NECAB1: variants seen among roughly 807,000 people sequenced by gnomAD.
NECAB1 encodes N-terminal EF-hand calcium binding protein 1, also known as N-terminal EF-hand calcium-binding protein 1.
Under a neutral mutation model 57.5 loss-of-function variants are expected in NECAB1, and 29 were observed. That is an observed-to-expected ratio of 0.50 (90% CI 0.38 to 0.69). The LOEUF is 0.69. NECAB1 is among the 30% of genes least tolerant of loss of function. NECAB1 has a pLI of 0.00. For synonymous variants in NECAB1, 142 were observed against 147.7 expected (o/e 0.96, Z 0.28); for missense variants, 372 against 413.8 (o/e 0.90, Z 0.88).
chr8:90,884,168 C>A (rs1302007111), intron 5 of NECAB1, among the ~76,000 whole-genome samples: 1 of 152,146 alleles, frequency 6.6e-6, no homozygotes, highest in Admixed American at 6.6e-5. Context: ...CAAACAAACA[C>A]AGCCTACAAT....
chr8:90,819,873 G>A (rs1453561786), intron 2 of NECAB1, among the ~76,000 whole-genome samples: 2 of 151,390 alleles, frequency 1.3e-5, no homozygotes, highest in Non-Finnish European at 3.0e-5. Flanking sequence ...GAGAACATTT[G>A]GGGTATATTT....
intron 3 of NECAB1, among the ~76,000 whole-genome samples, chr8:90,839,739 A>G (rs1318124194): frequency 6.6e-6 from 1 of 152,218 alleles, no homozygotes; most frequent in Non-Finnish European, 1.5e-5. Flanking sequence ...AGAGCACTGA[A>G]TCAGGGTGGA....
At chr8:90,827,280 C>G (rs998759616) in intron 3 of NECAB1, among the ~76,000 whole-genome samples, 3 of 151,998 alleles carry the variant, frequency 2.0e-5, no homozygotes, top group African/African-American at 7.2e-5. Context: ...AGAGTACAGC[C>G]TGGCCTGAAG....
chr8:90,906,883 A>ATATATATGTGTATATATATATATATGTG (rs1554574053), intron 5 of NECAB1, among the ~76,000 whole-genome samples: 2 of 80,770 alleles, frequency 2.5e-5, no homozygotes, highest in African/African-American at 9.5e-5. Flanking sequence ...ACACATATAT[A>ATATATATGTGTATATATATATATATGTG]TATATATATA....
intron 4 of NECAB1, among the ~76,000 whole-genome samples, chr8:90,875,584 C>T (rs992232518): frequency 1.3e-5 from 2 of 150,454 alleles, no homozygotes. Context: ...ATCTGAAAGC[C>T]TTTCTGTAAG....
chr8:90,815,902 G>GA (rs1367132058), intron 2 of NECAB1, among the ~76,000 whole-genome samples: 5 of 151,830 alleles, frequency 3.3e-5, no homozygotes, highest in African/African-American at 1.2e-4. Flanking sequence ...TTTTTAAGTG[G>GA]AAAAAATTTT....
intron 2 of NECAB1, among the ~76,000 whole-genome samples, chr8:90,821,203 C>T (rs77260603): frequency 0.021 from 3,154 of 151,850 alleles, 48 homozygotes; most frequent in Non-Finnish European, 0.031. Context: ...ACAGGTACCC[C>T]CAATCTCAAC....
At chr8:90,953,667 C>T (rs976814011) in intron 12 of NECAB1, among the ~76,000 whole-genome samples, 2 of 152,262 alleles carry the variant, frequency 1.3e-5, no homozygotes, top group Admixed American at 1.3e-4. Context: ...TAAGCAGAAG[C>T]TAGCATATAA....
At chr8:90,944,248 C>T (rs554458032) in intron 10 of NECAB1, among the ~76,000 whole-genome samples, 1 of 152,322 alleles carries the variant, frequency 6.6e-6, no homozygotes, top group South Asian at 2.1e-4. Flanking sequence ...CACAAGTCCA[C>T]TCCTGTTCCA....
In NECAB1 at chr8:90,959,186, C is replaced by T; in HGVS notation, c.*3674C>T. 1 of 405,114 alleles carries T rather than the reference C, an allele frequency of 2.5e-6. No individual in the cohort carries two copies. Among genetic ancestry groups the T allele is most frequent in the Non-Finnish European group, 4.4e-6 (1 of 228,902 alleles). 25.1% of individuals were successfully genotyped at this position (405,114 alleles called of 1,614,324 possible). ...TAAAGTAACTAGAACTGTCAAATAACAAAACGGCTCATGTTTTTAAAATAT... is the reference window on the plus strand; with the variant it reads ...TAAAGTAACTAGAACTGTCAAATAATAAAACGGCTCATGTTTTTAAAATAT... On this transcript the variant is annotated 3_prime_UTR_variant, in exon 13 of 13. Transcript: ENST00000417640.
intron 10 of NECAB1, among the ~76,000 whole-genome samples, chr8:90,941,597 G>GT (rs1810672071): frequency 6.6e-6 from 1 of 152,122 alleles, no homozygotes; most frequent in South Asian, 2.1e-4. Flanking sequence ...TCTCTAATGA[G>GT]TATCTTATCA....
intron 5 of NECAB1, among the ~76,000 whole-genome samples, chr8:90,907,371 C>T (rs541707966): frequency 1.3e-5 from 2 of 152,160 alleles, no homozygotes; most frequent in African/African-American, 4.8e-5. Context: ...AGGCTATAGC[C>T]AGTCTCTTAT....
chr8:90,873,651 T>C (rs759277525), intron 4 of NECAB1, among the ~76,000 whole-genome samples: 7 of 152,248 alleles, frequency 4.6e-5, no homozygotes, highest in Non-Finnish European at 8.8e-5. Context: ...CACTTAACTT[T>C]GCCTGGGTAG....
chr8:90,847,034 A>G (rs112027809), intron 3 of NECAB1, among the ~76,000 whole-genome samples: 2 of 151,760 alleles, frequency 1.3e-5, no homozygotes, highest in African/African-American at 4.9e-5. Context: ...CCAAAGTCTT[A>G]ACTCATTCCA....
Position 90,801,677 on chromosome 8 carries a change from T to C in NECAB1, c.100-14T>C. On this transcript the variant is annotated splice_polypyrimidine_tract_variant and intron_variant, in intron 1 of 12. Coordinates refer to ENST00000417640, the MANE Select transcript of NECAB1 (RefSeq NM_022351.5). ...CTAAAATGCTGATAAAATTTTTTCC[T>C]TTTTCCTTTCCAGATACTGAGGAGA... is the stretch of plus-strand genomic sequence containing the variant. 6.6e-7 allele frequency: 1 copy of C among 1,515,570 alleles called. No homozygotes were observed. Among genetic ancestry groups the C allele is most frequent in the Non-Finnish European group, 8.9e-7 (1 of 1,124,850 alleles). 93.9% of individuals were successfully genotyped at this position (1,515,570 alleles called of 1,614,324 possible).
intron 3 of NECAB1, among the ~76,000 whole-genome samples, chr8:90,850,484 T>C (rs1485751795): frequency 6.6e-6 from 1 of 152,208 alleles, no homozygotes; most frequent in Non-Finnish European, 1.5e-5. Context: ...ACCAGCAGTC[T>C]GGAACAAATA....
chr8:90,875,019 A>T (rs1157368364), intron 4 of NECAB1, among the ~76,000 whole-genome samples: 2 of 151,870 alleles, frequency 1.3e-5, no homozygotes, highest in Non-Finnish European at 2.9e-5. Context: ...TTGTGTTTGA[A>T]CTCTGGCATT....
chr8:90,879,772 T>C (rs1403760867), intron 4 of NECAB1, among the ~76,000 whole-genome samples: 1 of 152,360 alleles, frequency 6.6e-6, no homozygotes, highest in Non-Finnish European at 1.5e-5. Context: ...CAAATTAAAA[T>C]GTTATTTTGA....
At chr8:90,951,741 C>T (rs986329594) in intron 12 of NECAB1, among the ~76,000 whole-genome samples, 4 of 144,002 alleles carry the variant, frequency 2.8e-5, no homozygotes, top group East Asian at 2.1e-4. Flanking sequence ...TTCACAGAAA[C>T]GTTTGCAAAG....
Sources: gnomAD v4.1 joint callset for allele counts (sites outside exome capture counted in the v4.1 genomes callset) on GRCh38, gnomAD v4.1.1 for gene constraint, MANE v1.5 for transcripts, NCBI Gene and HGNC (gene_info 2026-07-23, HGNC 2026-07-21) for gene names.